Variants in CCDC77 observed in about 807,000 individuals in gnomAD.
The protein encoded by CCDC77 is coiled-coil domain containing 77, also known as coiled-coil domain-containing protein 77.
In CCDC77, 56 loss-of-function variants were observed where a neutral mutation model predicts 66.8. That is an observed-to-expected ratio of 0.84 (90% confidence interval 0.68 to 1.05). The LOEUF (loss-of-function observed/expected upper bound fraction) is 1.05, where lower values mean the gene tolerates loss of function less well. CCDC77 is among the 50% of genes least tolerant of loss of function. The pLI, the probability that CCDC77 is intolerant of heterozygous loss-of-function variation, is 0.00. For missense variants in CCDC77, 570 were observed against 576.8 expected, an observed-to-expected ratio of 0.99 and a Z score of 0.12; for synonymous variants, 196 against 195.2, an observed-to-expected ratio of 1.00 and a Z score of -0.03.
At chr12:399,980 ATATC>A (rs1409433365), upstream of CCDC77, among the ~76,000 whole-genome samples, 3 of 152,264 alleles carry the variant, frequency 2.0e-5, no homozygotes, top group African/African-American at 4.8e-5. Context: ...TGGTTCATAT[ATATC>A]AAAAGTCTGT....
At chr12:389,409 G>A (rs559054381) in exon 1 of CCDC77, 47 of 521,306 alleles carry the variant, frequency 9.0e-5, no homozygotes, top group South Asian at 8.8e-4. Flanking sequence ...TCTCTTCCCC[G>A]GCAGCACAGT....
intron 5 of CCDC77, among the ~76,000 whole-genome samples, chr12:419,383 A>C (rs572481504): frequency 6.6e-6 from 1 of 152,366 alleles, no homozygotes; most frequent in East Asian, 1.9e-4. Flanking sequence ...ATATGGTCAC[A>C]AGAAGGAGTC....
intron 5 of CCDC77, among the ~76,000 whole-genome samples, chr12:426,153 G>A (rs542567546): frequency 3.3e-5 from 5 of 152,292 alleles, no homozygotes; most frequent in African/African-American, 1.2e-4. Flanking sequence ...GTGAGCTACC[G>A]CGCCCAGCCC....
chr12:409,210 CAA>C (rs58177258), intron 2 of CCDC77, among the ~76,000 whole-genome samples, 156 bp from the exon 3 acceptor site: 23 of 82,914 alleles, frequency 2.8e-4, no homozygotes, highest in Admixed American at 8.8e-4. Context: ...GACACTGTCT[CAA>C]AAAAAAAAAA....
intron 2 of CCDC77, among the ~76,000 whole-genome samples, chr12:407,881 A>G (rs1287589316): frequency 7.8e-6 from 1 of 128,986 alleles, no homozygotes; most frequent in African/African-American, 3.0e-5. Context: ...TCCACCTCCC[A>G]GGTTCACGCC....
intron 10 of CCDC77, among the ~76,000 whole-genome samples, chr12:438,805 A>G (rs1945803642): frequency 6.6e-6 from 1 of 152,062 alleles, no homozygotes; most frequent in Middle Eastern, 3.2e-3. Flanking sequence ...ACAGTGGTTC[A>G]CGCCTGTAAT....
chr12:402,282 G>A (rs979210499), intron 1 of CCDC77, among the ~76,000 whole-genome samples: 6 of 152,184 alleles, frequency 3.9e-5, no homozygotes, highest in Non-Finnish European at 5.9e-5. Context: ...GGGAGCGCAC[G>A]CTAGCATGGG....
At chr12:424,206 A>G (rs1158731402) in intron 5 of CCDC77, among the ~76,000 whole-genome samples, 1 of 152,132 alleles carries the variant, frequency 6.6e-6, no homozygotes, top group Non-Finnish European at 1.5e-5. Flanking sequence ...CCTGAGCTCA[A>G]GTGATCCTCA....
At chr12:427,263 G>A (rs577156782) in intron 5 of CCDC77, among the ~76,000 whole-genome samples, 24 of 150,514 alleles carry the variant, frequency 1.6e-4, no homozygotes, top group Non-Finnish European at 2.4e-4. Flanking sequence ...AAAAAAAAAC[G>A]GACTCGGGCC....
At chr12:431,811 A>G in intron 7 of CCDC77, 55 bp from the exon 8 acceptor site, 2 of 1,132,936 alleles carry the variant, frequency 1.8e-6, no homozygotes, top group Admixed American at 1.9e-5. Context: ...ATATTTCAAT[A>G]GCACACAGAA....
intron 10 of CCDC77, among the ~76,000 whole-genome samples, chr12:440,060 GAATA>G (rs1284203150): frequency 6.6e-6 from 1 of 152,150 alleles, no homozygotes; most frequent in East Asian, 1.9e-4. Context: ...GGTTGTAGAG[GAATA>G]AATAAGGAGG....
chr12:428,699 C>T, intron 5 of CCDC77, 70 bp from the exon 6 acceptor site: 1 of 1,022,050 alleles, frequency 9.8e-7, no homozygotes, highest in East Asian at 2.6e-5. Context: ...AAGGGAGATC[C>T]TTTAAACAGA....
chr12:412,640 G>C (rs1199464913), intron 4 of CCDC77, among the ~76,000 whole-genome samples: 1 of 152,202 alleles, frequency 6.6e-6, no homozygotes. Flanking sequence ...AGATGTTTCT[G>C]GAATGGGTGT....
At chr12:393,461 G>C (rs1214145970) in intron 1 of CCDC77, among the ~76,000 whole-genome samples, 1 of 151,704 alleles carries the variant, frequency 6.6e-6, no homozygotes, top group African/African-American at 2.4e-5. Flanking sequence ...TTTCTTAAAG[G>C]CTAACAATTT....
chr12:437,752 A>G (rs1178841657), intron 9 of CCDC77, among the ~76,000 whole-genome samples: 1 of 151,664 alleles, frequency 6.6e-6, no homozygotes, highest in Non-Finnish European at 1.5e-5. Context: ...AGGCTGAGAC[A>G]GAAGGATTGC....
chr12:402,078 C>T lies in CCDC77; in HGVS notation c.-71+394C>T, dbSNP rs185551435. Reference sequence around the variant, plus strand: ...GATAATAAATTGTACAGATTTGTCACGTGGCTAAAAGAAAAAAATTCAAAG... The same window carrying T: ...GATAATAAATTGTACAGATTTGTCATGTGGCTAAAAGAAAAAAATTCAAAG... On this transcript the variant is annotated intron_variant, in intron 1 of 12. Transcript: ENST00000239830. Among the ~76,000 whole-genome samples the T allele has an allele frequency of 2.0e-3, 299 of 152,088 alleles. 1 individual carries two copies. The highest frequency in any genetic ancestry group is 6.6e-3 in the African/African-American group (274 of 41,486).
rs1945585739 is a variant in CCDC77, at chr12:428,778, A to G, written c.423A>G (p.Glu141=). The change falls in exon 6 of 13, where the codon GAA becomes GAG. Residue 141 remains glutamate (E), a synonymous_variant. Coordinates refer to ENST00000239830, the MANE Select transcript of CCDC77 (RefSeq NM_032358.4). ...ENDRLRIREL[E]DKKKIQNLLA... is the part of the protein sequence containing the mutation. ...TCCATGAGAATTGCAGGGAGCTAGA[A>G]GACAAGAAAAAGATTCAGAATCTCT... The G allele has an allele frequency of 6.2e-7, 1 of 1,610,756 alleles. No individual in the cohort carries two copies. The highest frequency in any genetic ancestry group is 2.2e-5 in the East Asian group (1 of 44,754).
At chr12:407,016 T>C (rs558208613) in intron 2 of CCDC77, among the ~76,000 whole-genome samples, 2 of 152,240 alleles carry the variant, frequency 1.3e-5, no homozygotes, top group African/African-American at 4.8e-5. Context: ...CAGATAGCAG[T>C]GGGTTGGAAG....
chr12:410,267 G>GTTTTTTT, intron 3 of CCDC77, among the ~76,000 whole-genome samples: 1 of 148,704 alleles, frequency 6.7e-6, no homozygotes, highest in African/African-American at 2.5e-5. Flanking sequence ...TACTATTTTT[G>GTTTTTTT]TTTTTTTTTT....
Sources: gnomAD v4.1 joint callset for allele counts (sites outside exome capture counted in the v4.1 genomes callset) on GRCh38, gnomAD v4.1.1 for gene constraint, MANE v1.5 for transcripts, NCBI Gene and HGNC (gene_info 2026-07-23, HGNC 2026-07-21) for gene names.